The following ESPN variants were observed in gnomAD, a reference collection of about 807,000 sequenced individuals.
ESPN encodes autosomal recessive deafness type 36 protein.
A neutral mutation model predicts 77.7 loss-of-function variants in ESPN; 68 were observed. The observed-to-expected ratio is 0.87, with a 90% confidence interval of 0.72 to 1.07. The LOEUF is 1.07. Ranked by LOEUF, ESPN falls within the 50% of genes least tolerant of loss-of-function variation. The pLI is 0.00. For missense variants in ESPN, 1,060 were observed against 1,239.0 expected, an observed-to-expected ratio of 0.86 and a Z score of 2.17; for synonymous variants, 449 against 567.1, an observed-to-expected ratio of 0.79 and a Z score of 2.96.
Position 6,451,858 on chromosome 1 carries a change from C to T in ESPN, c.2087C>T (p.Ser696Leu), listed in dbSNP as rs111445234. The T allele has an allele frequency of 6.2e-6, 10 of 1,611,842 alleles. No homozygotes were observed. In the African/African-American group the frequency reaches 8.0e-5, roughly 13 times the overall value. The change falls in exon 10 of 13, where the codon TCA (serine) becomes TTA (leucine). Residue 696 changes from serine to leucine, a missense_variant. Coordinates refer to ENST00000645284, the MANE Select transcript of ESPN (RefSeq NM_031475.3). The surrounding 1 kb of genome is among the most constrained non-coding windows in gnomAD (Gnocchi z 4.3). ...CCCGATTCGCCGCTGCCTTCTGTGT[C>T]ACCTGCACTGTCACCAGTCCGGAGC... ...FQPDSPLPSV[S>L]PALSPVRSPT...
Position 6,448,944 on chromosome 1 carries a change from A to G in ESPN, c.1768A>G (p.Lys590Glu). The G allele has an allele frequency of 7.1e-7, 1 of 1,408,222 alleles. No homozygotes were observed. The highest frequency in any genetic ancestry group is 9.2e-7 in the Non-Finnish European group (1 of 1,086,590). 87.2% of individuals were successfully genotyped at this position (1,408,222 alleles called of 1,614,324 possible). ...TCCTAACGGCTGCGCCGCGGACCCC[A>G]AGGCGTCCAGGGAGCTGCCACCGCC... Reference protein sequence around the residue: ...HVPNGCAADPKASRELPPPPP... With the variant: ...HVPNGCAADPEASRELPPPPP... Residue 590 changes from lysine (K) to glutamate (E), a missense_variant, in exon 8 of 13, where the codon AAG (lysine) becomes GAG (glutamate). Around this residue, in one of 3 missense-constraint regions of ESPN, gnomAD observed 374 missense variants for 381.4 expected, o/e 0.98. Transcript: ENST00000645284.
chr1:6,461,254 C>T, downstream of ESPN: 1 of 801,064 alleles, frequency 1.2e-6, no homozygotes, highest in Non-Finnish European at 2.2e-6. The surrounding 1 kb of genome is among the most constrained non-coding windows in gnomAD (Gnocchi z 6.3). Context: ...GACATTCGTT[C>T]GTGCTTCTTC....
chr1:6,456,160 T>C (rs548810774), intron 10 of ESPN: 311 of 399,284 alleles, frequency 7.8e-4, no homozygotes, highest in Non-Finnish European at 1.2e-3. Flanking sequence ...AGCTTCTCCT[T>C]CTGGAAAGAG....
At chr1:6,441,235 G>T (rs569486358) in intron 5 of ESPN, among the ~76,000 whole-genome samples, 170 bp downstream of exon 5, 1 of 152,186 alleles carries the variant, frequency 6.6e-6, no homozygotes, top group East Asian at 1.9e-4. Flanking sequence ...GACTGAGGGA[G>T]TAGAGGCACA....
At position 6,444,612 on chromosome 1, in the gene ESPN, C is replaced by A. The variant is rs1339578522; in HGVS notation, c.1122C>A (p.Thr374=). ...TGAACTTTGACCTCAGCTCGCCTAC[C>A]AGCACCCTCTCCAACTACGACTCCT... is the stretch of plus-strand genomic sequence containing the variant. ...QPLNFDLSSP[T]STLSNYDSCS... The change falls in exon 6 of 13, where the codon ACC becomes ACA. Residue 374 remains threonine (T), a synonymous_variant. Coordinates refer to ENST00000645284, the MANE Select transcript of ESPN (RefSeq NM_031475.3). 1.2e-6 allele frequency: 2 copies of A among 1,614,206 alleles called. No individual in the cohort carries two copies. The highest frequency in any genetic ancestry group is 2.2e-5 in the South Asian group (2 of 91,082).
chr1:6,440,480 C>A, intron 3 of ESPN, 40 bp downstream of exon 3: 1 of 1,450,130 alleles, frequency 6.9e-7, no homozygotes, highest in Non-Finnish European at 9.1e-7. Context: ...GGAGGCGGGG[C>A]GGAGCCGGCA....
intron 10 of ESPN, among the ~76,000 whole-genome samples, chr1:6,453,224 G>A (rs1425847131): frequency 3.9e-5 from 6 of 152,224 alleles, no homozygotes; most frequent in Non-Finnish European, 8.8e-5. Context: ...CCCACACACT[G>A]TTGTAGCCTC....
At chr1:6,454,819 C>T (rs1383094119) in intron 10 of ESPN, 12 of 396,928 alleles carry the variant, frequency 3.0e-5, no homozygotes, top group Non-Finnish European at 4.0e-5. Flanking sequence ...CTGCTGACCG[C>T]TGACACGGGC....
At position 6,460,132 on chromosome 1, in the gene ESPN, A is replaced by G. The variant is rs1644132555; in HGVS notation, c.2551A>G (p.Ile851Val). The G allele has an allele frequency of 1.9e-6, 3 of 1,612,388 alleles. No homozygotes were observed. Among genetic ancestry groups the G allele is most frequent in the Non-Finnish European group, 2.5e-6 (3 of 1,179,984 alleles). Residue 851 changes from isoleucine (I) to valine (V), a missense_variant, in exon 13 of 13, where the codon ATC becomes GTC. By Grantham distance (29) the Ile-to-Val change is conservative (BLOSUM62 3). Transcript: ENST00000645284. ...QRQVILKKGD[I>V]AKY ...ACAGGTCATCCTGAAGAAGGGGGACATCGCTAAGTACTAGAGGCCGCAGAC... is the reference window on the plus strand; with the variant it reads ...ACAGGTCATCCTGAAGAAGGGGGACGTCGCTAAGTACTAGAGGCCGCAGAC...
At chr1:6,433,399 G>A (rs979564878) in intron 2 of ESPN, among the ~76,000 whole-genome samples, 5 of 151,956 alleles carry the variant, frequency 3.3e-5, no homozygotes, top group Admixed American at 1.3e-4. Context: ...AACTAAGATC[G>A]TGCTGCTGCA....
intron 10 of ESPN, chr1:6,456,300 G>A: frequency 2.6e-6 from 1 of 389,064 alleles, no homozygotes; most frequent in Non-Finnish European, 4.5e-6. Context: ...GAAGAGCCCA[G>A]GACTGTGGCC....
intron 12 of ESPN, among the ~76,000 whole-genome samples, chr1:6,459,677 C>T (rs2148551612): frequency 6.6e-6 from 1 of 152,280 alleles, no homozygotes; most frequent in African/African-American, 2.4e-5. Context: ...GTCCTGGTCC[C>T]AGTAATCTTG....
rs565045090 is a variant in ESPN, at chr1:6,425,316, C to T, written c.294+67C>T. ...TCAGGACAGAGTCCTGGCCCAGAGTCCCCCGGGGCTCAAGGATGGGTGGGG... is the reference window on the plus strand; with the variant it reads ...TCAGGACAGAGTCCTGGCCCAGAGTTCCCCGGGGCTCAAGGATGGGTGGGG... On this transcript the variant is annotated intron_variant, in intron 1 of 12. Transcript: ENST00000645284. 219 of 1,520,110 alleles carry T rather than the reference C, an allele frequency of 1.4e-4. No individual in the cohort carries two copies. The African/African-American group carries it at 2.6e-3, about 18-fold the overall frequency. The allele number at this position is 1,520,110 out of a possible 1,614,324, so 94.2% of individuals were successfully genotyped here.
rs1408462126 is a variant in ESPN, at chr1:6,428,668, C to T, written c.488+249C>T. Among the ~76,000 whole-genome samples, 3 of 152,194 alleles carry T rather than the reference C, an allele frequency of 2.0e-5. No homozygotes were observed. In the East Asian group the frequency reaches 5.8e-4, roughly 29 times the overall value. ...CTCCCAGCATCCTCAGCTGCCCGGC[C>T]GCACACAGCTGGACCTGGGAGGCTG... On this transcript the variant is annotated intron_variant, in intron 2 of 12. Transcript: ENST00000645284. This position sits in a 1 kb window ranked among gnomAD's most constrained non-coding sequence, Gnocchi z 5.4.
chr1:6,459,184 T>G (rs922765699), intron 12 of ESPN, among the ~76,000 whole-genome samples: 1 of 151,406 alleles, frequency 6.6e-6, no homozygotes, highest in African/African-American at 2.4e-5. Context: ...GAGGTTGCAG[T>G]GAGCCGAGAT....
In ESPN at chr1:6,457,213, C is replaced by T. The variant is rs1211812321; in HGVS notation, c.2355C>T (p.Ser785=). 6.2e-7 allele frequency: 1 copy of T among 1,611,520 alleles called. No individual in the cohort carries two copies. Among genetic ancestry groups the T allele is most frequent in the South Asian group, 1.1e-5 (1 of 90,770 alleles). The stretch of plus-strand genomic sequence containing the variant: ...AGGAGGAGGAGGCCCGGCTGGCCAG[C>T]ATGCCCGCCTGGAGGCGGGACCTCC... The part of the protein sequence containing the change: ...KEEEEEARLA[S]MPAWRRDLLR... The change falls in exon 11 of 13, where the codon AGC becomes AGT. Residue 785 remains serine, a synonymous_variant. Transcript: ENST00000645284.
rs535901122 is a variant in ESPN at position 6,450,368 on chromosome 1, TC to T, written c.1916-1231del. 1.3e-3 allele frequency: 666 copies of T among 507,540 alleles called. 1 individual carries two copies. The highest frequency in any genetic ancestry group is 1.6e-3 in the Non-Finnish European group (646 of 392,862). The allele number at this position is 507,540 out of a possible 1,614,324, so 31.4% of individuals were successfully genotyped here. A position where few individuals can be genotyped will look rare whatever the true frequency, so the allele number is the denominator to read the frequency against. ...CCCGCTCTCCCTGGCCCGCTCCCTG[TC>T]CCCTGCTGTCCCAGTCTCATCCTGC... On this transcript the variant is annotated intron_variant, in intron 8 of 12. Transcript: ENST00000645284. The surrounding 1 kb of genome is among the most constrained non-coding windows in gnomAD (Gnocchi z 4.3).
rs1022380233 is a variant in ESPN at position 6,447,460 on chromosome 1, G to A, written c.1465-1181G>A. 3.3e-5 allele frequency: 5 copies of A among 152,364 alleles called. No homozygotes were observed. The highest frequency in any genetic ancestry group is 7.3e-5 in the Non-Finnish European group (5 of 68,152). 9.4% of individuals were successfully genotyped at this position (152,364 alleles called of 1,614,324 possible). A position where few individuals can be genotyped will look rare whatever the true frequency, so the allele number is the denominator to read the frequency against. On this transcript the variant is annotated intron_variant, in intron 7 of 12. Transcript: ENST00000645284. The surrounding 1 kb of genome is among the most constrained non-coding windows in gnomAD (Gnocchi z 5.2). ...TCGCATTTCCTGCAACGTGAGCCAG[G>A]TCGGGCGGGGTGAAGGGTCTGAGGC... is the stretch of plus-strand genomic sequence containing the variant.
At position 6,428,180 on chromosome 1, in the gene ESPN, G is replaced by T; in HGVS notation, c.295-46G>T. 6.3e-7 allele frequency: 1 copy of T among 1,596,848 alleles called. No individual in the cohort carries two copies. On this transcript the variant is annotated intron_variant, in intron 1 of 12. Transcript: ENST00000645284. The surrounding 1 kb of genome is among the most constrained non-coding windows in gnomAD (Gnocchi z 5.4). ...TCTGGGAGTGGCCCAAGCCAGGGGCGGGGCAGCAACAGGCTTTAGGACTTG... is the reference window on the plus strand; with the variant it reads ...TCTGGGAGTGGCCCAAGCCAGGGGCTGGGCAGCAACAGGCTTTAGGACTTG...
Sources: allele counts gnomAD v4.1 joint callset (sites outside exome capture counted in the v4.1 genomes callset), GRCh38; gene constraint gnomAD v4.1.1; regional missense constraint gnomAD v4.1.1; non-coding constraint Gnocchi (gnomAD v3.1); transcripts MANE v1.5; gene names NCBI Gene and HGNC (gene_info 2026-07-23, HGNC 2026-07-21).